Variants in SGTB observed in about 807,000 individuals in gnomAD.
SGTB encodes small glutamine rich tetratricopeptide repeat co-chaperone beta.
In SGTB, 19 loss-of-function variants were observed where a neutral mutation model predicts 43.9. That is an observed-to-expected ratio of 0.43 (90% CI 0.30 to 0.63). SGTB has a LOEUF of 0.63. Ranked by LOEUF, SGTB falls within the 30% of genes least tolerant of loss-of-function variation. The pLI, the probability that SGTB is intolerant of heterozygous loss-of-function variation, is 0.12. For missense variants in SGTB, 304 were observed against 358.9 expected, an observed-to-expected ratio of 0.85 and a Z score of 1.24; for synonymous variants, 116 against 117.3, an observed-to-expected ratio of 0.99 and a Z score of 0.07.
At chr5:65,716,230 A>T (rs1416656421) in intron 2 of SGTB, among the ~76,000 whole-genome samples, 3 of 152,282 alleles carry the variant, frequency 2.0e-5, no homozygotes, top group African/African-American at 4.8e-5. Flanking sequence ...GATATGGTAC[A>T]TTTATAAAGA....
chr5:65,673,191 C>T (rs1757191588), intron 8 of SGTB, among the ~76,000 whole-genome samples: 1 of 152,168 alleles, frequency 6.6e-6, no homozygotes, highest in South Asian at 2.1e-4. Context: ...TATAAAATGA[C>T]CTCCAGTTCA....
intron 6 of SGTB, among the ~76,000 whole-genome samples, chr5:65,683,044 G>A (rs891912255): frequency 6.6e-6 from 1 of 151,540 alleles, no homozygotes; most frequent in African/African-American, 2.4e-5. Flanking sequence ...CATTAGCATT[G>A]AACTCATAGC....
intron 5 of SGTB, among the ~76,000 whole-genome samples, chr5:65,692,408 T>C (rs1344205726): frequency 6.6e-6 from 1 of 152,014 alleles, no homozygotes; most frequent in East Asian, 1.9e-4. Flanking sequence ...AAACTTAGAG[T>C]CACCAGTAAT....
At chr5:65,695,557 TCAGGG>T (rs2150713975) in intron 5 of SGTB, among the ~76,000 whole-genome samples, 3 of 152,346 alleles carry the variant, frequency 2.0e-5, no homozygotes, top group Non-Finnish European at 4.4e-5. Flanking sequence ...TGTCTGGTTA[TCAGGG>T]CATAACTAAT....
At chr5:65,695,017 G>A (rs1169297707) in intron 5 of SGTB, among the ~76,000 whole-genome samples, 1 of 124,648 alleles carries the variant, frequency 8.0e-6, no homozygotes, top group African/African-American at 3.2e-5. Context: ...GGATCCTGTA[G>A]GTATTTTGGA....
intron 6 of SGTB, among the ~76,000 whole-genome samples, chr5:65,681,970 C>T (rs1233684400): frequency 2.1e-5 from 3 of 142,722 alleles, no homozygotes; most frequent in African/African-American, 7.5e-5. Context: ...AGCGAAATTC[C>T]ATCTCAAAAA....
At chr5:65,720,905 G>T (rs1200547617) in intron 1 of SGTB, 76 bp from the exon 2 acceptor site, 3 of 1,444,244 alleles carry the variant, frequency 2.1e-6, no homozygotes, top group Non-Finnish European at 2.8e-6. Context: ...TTACAAAGAT[G>T]ATATGGGTTA....
At chr5:65,695,660 T>G (rs1757702017) in intron 5 of SGTB, among the ~76,000 whole-genome samples, 1 of 152,142 alleles carries the variant, frequency 6.6e-6, no homozygotes, top group Non-Finnish European at 1.5e-5. Context: ...AGCACAAATA[T>G]GATTTATGTT....
upstream of SGTB, chr5:65,722,389 C>T: frequency 6.3e-7 from 1 of 1,591,244 alleles, no homozygotes; most frequent in Non-Finnish European, 8.5e-7. Flanking sequence ...CGCCCGGTGC[C>T]TTTTGGCTGT....
intron 5 of SGTB, among the ~76,000 whole-genome samples, chr5:65,697,452 G>A (rs527986876): frequency 1.3e-5 from 2 of 152,050 alleles, no homozygotes; most frequent in Non-Finnish European, 2.9e-5. Context: ...TTATTGTGCT[G>A]TACAAATAAG....
intron 8 of SGTB, among the ~76,000 whole-genome samples, chr5:65,675,981 C>T (rs947842657): frequency 2.6e-5 from 4 of 152,108 alleles, no homozygotes; most frequent in Admixed American, 2.6e-4. Context: ...CAAATTTACA[C>T]ATAACAATAC....
upstream of SGTB, chr5:65,722,292 G>T (rs1041088066): frequency 1.7e-6 from 2 of 1,146,494 alleles, no homozygotes; most frequent in Admixed American, 2.9e-5. Context: ...CGAGACTCCC[G>T]GGCGCCCAGG....
At chr5:65,718,587 A>T (rs529825518) in intron 2 of SGTB, among the ~76,000 whole-genome samples, 2 of 152,244 alleles carry the variant, frequency 1.3e-5, no homozygotes, top group Non-Finnish European at 2.9e-5. Flanking sequence ...TGATGGCAAG[A>T]CAAAGCTGAT....
chr5:65,707,917 C>T (rs1259221497), intron 4 of SGTB, among the ~76,000 whole-genome samples: 4 of 152,174 alleles, frequency 2.6e-5, no homozygotes, highest in Non-Finnish European at 5.9e-5. Flanking sequence ...TAGTACAAAT[C>T]TTACAGGCCT....
In SGTB at chr5:65,708,468, AT is replaced by A. The variant is rs1403156291; in HGVS notation, c.274+20del. On this transcript the variant is annotated intron_variant, in intron 4 of 10. Transcript: ENST00000381007. The stretch of plus-strand genomic sequence containing the variant: ...TTCAGAAAGCTTTACTAAGTAAGTC[AT>A]TTTTGTATGAAATATTCACCTTCAT... 1 of 1,607,160 alleles carries A rather than the reference AT, an allele frequency of 6.2e-7. No individual in the cohort carries two copies. Among genetic ancestry groups the A allele is most frequent in the Admixed American group, 1.7e-5 (1 of 58,828 alleles).
chr5:65,688,670 T>C (rs889680366), intron 5 of SGTB, among the ~76,000 whole-genome samples: 2 of 152,222 alleles, frequency 1.3e-5, no homozygotes, highest in African/African-American at 4.8e-5. Context: ...GACTCCTCTA[T>C]ACATAATACA....
In SGTB at chr5:65,698,626, A is replaced by G. The variant is rs189011091; in HGVS notation, c.374+5653T>C. Among the ~76,000 whole-genome samples, 36 of 152,350 alleles carry G rather than the reference A, an allele frequency of 2.4e-4. No individual in the cohort carries two copies. The East Asian group carries it at 6.7e-3, about 29-fold the overall frequency. On this transcript the variant is annotated intron_variant, in intron 5 of 10. Coordinates refer to ENST00000381007, the MANE Select transcript of SGTB (RefSeq NM_019072.3). ...CCACAGAATTGGAGAAAATATTTGC[A>G]AACTGTGCATCCAACAAAGGACTAA...
At chr5:65,682,423 C>G (rs1757414706) in intron 6 of SGTB, among the ~76,000 whole-genome samples, 1 of 152,066 alleles carries the variant, frequency 6.6e-6, no homozygotes, top group African/African-American at 2.4e-5. Flanking sequence ...TCTACATGGG[C>G]AGAAGGGTAG....
chr5:65,678,532 C>T (rs1757325928), intron 8 of SGTB, among the ~76,000 whole-genome samples: 1 of 152,068 alleles, frequency 6.6e-6, no homozygotes, highest in Non-Finnish European at 1.5e-5. Context: ...AGAGCCCAAA[C>T]ATCCAAGGCA....
Sources: allele counts gnomAD v4.1 joint callset (sites outside exome capture counted in the v4.1 genomes callset), GRCh38; gene constraint gnomAD v4.1.1; transcripts MANE v1.5; gene names NCBI Gene and HGNC (gene_info 2026-07-23, HGNC 2026-07-21).